Variants in CCDC42 observed in about 807,000 individuals in gnomAD.
The protein encoded by CCDC42 is coiled-coil domain-containing protein 42.
A neutral mutation model predicts 40.8 loss-of-function variants in CCDC42; 38 were observed. The ratio of observed to expected loss-of-function variants is 0.93; its 90% confidence interval spans 0.72 to 1.22. CCDC42 has a LOEUF of 1.22. Among genes scored for constraint, CCDC42 ranks in the 50% most tolerant of loss-of-function variants. CCDC42 has a pLI of 0.00. For missense variants in CCDC42, 379 were observed against 416.5 expected, an observed-to-expected ratio of 0.91 and a Z score of 0.78; for synonymous variants, 135 against 157.5, an observed-to-expected ratio of 0.86 and a Z score of 1.07.
At chr17:8,731,938 G>A (rs905814032) in intron 6 of CCDC42, among the ~76,000 whole-genome samples, 62 of 152,196 alleles carry the variant, frequency 4.1e-4, no homozygotes, top group African/African-American at 1.4e-3. Flanking sequence ...GCCAAGGCGG[G>A]TGGATCACGA....
At chr17:8,739,324 CG>C (rs1568052883) in intron 4 of CCDC42, among the ~76,000 whole-genome samples, 1 of 152,046 alleles carries the variant, frequency 6.6e-6, no homozygotes, top group Non-Finnish European at 1.5e-5. Flanking sequence ...TGAGTTCTGG[CG>C]GGGCTGTGAG....
At chr17:8,741,751 G>A (rs563017574) in intron 3 of CCDC42, 80 bp from the exon 4 acceptor site, 11 of 1,375,814 alleles carry the variant, frequency 8.0e-6, no homozygotes, top group Non-Finnish European at 9.0e-6. Context: ...GGCTGGTGGT[G>A]CCCTCAGACC....
In CCDC42 at chr17:8,730,305, A is replaced by G. The variant is rs1351956778; in HGVS notation, c.874-98T>C. On this transcript the variant is annotated intron_variant, in intron 6 of 6. Transcript: ENST00000293845. ...GACATTCACTTGTAAAGAATTCATC[A>G]TTGCTTTCCTGTGACTGACTTCTTT... 4 of 729,178 alleles carry G rather than the reference A, an allele frequency of 5.5e-6. No homozygotes were observed. In the East Asian group the frequency reaches 8.0e-5, roughly 15 times the overall value. The allele number at this position is 729,178 out of a possible 1,614,324, so 45.2% of individuals were successfully genotyped here. A position where few individuals can be genotyped will look rare whatever the true frequency, so the allele number is the denominator to read the frequency against.
chr17:8,729,992 C>T lies in CCDC42; in HGVS notation c.*138G>A, dbSNP rs1971773. The T allele has an allele frequency of 0.36, 255,970 of 717,498 alleles. 48,714 individuals are homozygous for T. Among genetic ancestry groups the T allele is most frequent in the Admixed American group, 0.57 (26,942 of 47,584 alleles). 44.4% of individuals were successfully genotyped at this position (717,498 alleles called of 1,614,324 possible). ...GTTTTCAGGGATAGAGTGAGGCCCA[C>T]GGGGGAAAATAAGCAGGTGTCCCTC... On this transcript the variant is annotated 3_prime_UTR_variant, in exon 7 of 7. Coordinates refer to ENST00000293845, the MANE Select transcript of CCDC42 (RefSeq NM_144681.3).
At chr17:8,734,956 C>T (rs1188812725) in intron 6 of CCDC42, 140 bp downstream of exon 6, 1 of 841,240 alleles carries the variant, frequency 1.2e-6, no homozygotes, top group South Asian at 1.7e-5. Context: ...ACTCCTCACC[C>T]TCCCAGGTGA....
Position 8,729,978 on chromosome 17 carries a change from T to C in CCDC42, c.*152A>G, listed in dbSNP as rs1435466283. On this transcript the variant is annotated 3_prime_UTR_variant, in exon 7 of 7. Coordinates refer to ENST00000293845, the MANE Select transcript of CCDC42 (RefSeq NM_144681.3). ...ATATAACATTCACTGTTTTCAGGGA[T>C]AGAGTGAGGCCCACGGGGGAAAATA... 4.5e-6 allele frequency: 3 copies of C among 674,116 alleles called. No individual in the cohort carries two copies. The highest frequency in any genetic ancestry group is 3.2e-5 in the South Asian group (2 of 61,712). The allele number at this position is 674,116 out of a possible 1,614,324, so 41.8% of individuals were successfully genotyped here.
At position 8,735,752 on chromosome 17, in the gene CCDC42, G is replaced by T; in HGVS notation, c.493-141C>A. On this transcript the variant is annotated intron_variant, in intron 4 of 6. Coordinates refer to ENST00000293845, the MANE Select transcript of CCDC42 (RefSeq NM_144681.3). The surrounding 1 kb of genome is among the most constrained non-coding windows in gnomAD (Gnocchi z 4.7). ...CCCTTGGCCAGGGTCACGGCCAGAG[G>T]CTGTGAGGGACACTGGGGTTCCGCT... 1.5e-6 allele frequency: 1 copy of T among 660,502 alleles called. No homozygotes were observed. The highest frequency in any genetic ancestry group is 2.6e-6 in the Non-Finnish European group (1 of 389,260). The allele number at this position is 660,502 out of a possible 1,614,324, so 40.9% of individuals were successfully genotyped here. A position where few individuals can be genotyped will look rare whatever the true frequency, so the allele number is the denominator to read the frequency against.
At chr17:8,738,011 G>T (rs993183329) in intron 4 of CCDC42, among the ~76,000 whole-genome samples, 2 of 60,152 alleles carry the variant, frequency 3.3e-5, no homozygotes, top group African/African-American at 1.0e-4. Context: ...TTGCAGATTT[G>T]GGGGGGGTCT....
intron 6 of CCDC42, among the ~76,000 whole-genome samples, chr17:8,733,594 G>A (rs2086592646): frequency 6.6e-6 from 1 of 152,158 alleles, no homozygotes; most frequent in Admixed American, 6.5e-5. Context: ...AGGTTCAAAC[G>A]ATTCTCCCGC....
At chr17:8,743,577 G>T in intron 3 of CCDC42, 49 bp downstream of exon 3, 1 of 1,087,838 alleles carries the variant, frequency 9.2e-7, no homozygotes, top group Non-Finnish European at 1.4e-6. Flanking sequence ...TTGCCCACCT[G>T]CGGACTATGG....
At position 8,740,687 on chromosome 17, in the gene CCDC42, C is replaced by T. The variant is rs562925404; in HGVS notation, c.492+787G>A. Among the ~76,000 whole-genome samples the T allele has an allele frequency of 3.9e-5, 6 of 152,106 alleles. No individual in the cohort carries two copies. The South Asian group carries it at 8.3e-4, about 21-fold the overall frequency. ...GGGGCATCGGCAGTGTCAGACGCTG[C>T]CCCCAAGAGGCGCGGTGGAACCAAG... On this transcript the variant is annotated intron_variant, in intron 4 of 6. Coordinates refer to ENST00000293845, the MANE Select transcript of CCDC42 (RefSeq NM_144681.3).
At chr17:8,741,961 G>A (rs1363710314) in intron 3 of CCDC42, among the ~76,000 whole-genome samples, 1 of 152,140 alleles carries the variant, frequency 6.6e-6, no homozygotes, top group African/African-American at 2.4e-5. Flanking sequence ...GGCTGGAGGG[G>A]CAGACAGGAA....
rs2086642172 is a variant in CCDC42 at position 8,741,353 on chromosome 17, CA to C, written c.492+120del. ...CCCATCCTGCAGAGCTCCTGGGGCC[CA>C]GAGGGTCCACAGTCCCCAGCCAGCT... On this transcript the variant is annotated intron_variant, in intron 4 of 6. Coordinates refer to ENST00000293845, the MANE Select transcript of CCDC42 (RefSeq NM_144681.3). 4.0e-6 allele frequency: 4 copies of C among 1,002,772 alleles called. No homozygotes were observed. In the East Asian group the frequency reaches 9.5e-5, roughly 24 times the overall value. The allele number at this position is 1,002,772 out of a possible 1,614,324, so 62.1% of individuals were successfully genotyped here. A position where few individuals can be genotyped will look rare whatever the true frequency, so the allele number is the denominator to read the frequency against.
At position 8,730,075 on chromosome 17, in the gene CCDC42, C is replaced by T. The variant is rs375627984; in HGVS notation, c.*55G>A. The T allele has an allele frequency of 1.3e-3, 2,074 of 1,556,140 alleles. 6 individuals carry two copies. The highest frequency in any genetic ancestry group is 1.7e-3 in the Non-Finnish European group (1,876 of 1,129,794). On this transcript the variant is annotated 3_prime_UTR_variant, in exon 7 of 7. Coordinates refer to ENST00000293845, the MANE Select transcript of CCDC42 (RefSeq NM_144681.3). ...CTGGACTGACTGGACCGCAGGCTCA[C>T]GACTTCTTCTTTCACGATCTCTGTC...
chr17:8,735,150 G>C lies in CCDC42; in HGVS notation c.819C>G (p.His273Gln), dbSNP rs764224677. Residue 273 changes from histidine to glutamine, a missense_variant, in exon 6 of 7, where the codon CAC (histidine) becomes CAG (glutamine). By Grantham distance (24) the His-to-Gln change is conservative. Transcript: ENST00000293845. This position sits in a 1 kb window ranked among gnomAD's most constrained non-coding sequence, Gnocchi z 4.7. ...GTGCCACCTCAGTCACCTCCTTCAG[G>C]TGCTTGCTCACGATCTGGAAGAGGT... ...TLNLFQIVSK[H>Q]LKEVTEVALE... The C allele has an allele frequency of 1.2e-6, 2 of 1,614,140 alleles. No homozygotes were observed. Among genetic ancestry groups the C allele is most frequent in the African/African-American group, 1.3e-5 (1 of 75,026 alleles).
At chr17:8,737,708 C>T (rs1032695306) in intron 4 of CCDC42, among the ~76,000 whole-genome samples, 24 of 152,162 alleles carry the variant, frequency 1.6e-4, no homozygotes, top group Non-Finnish European at 1.5e-5. Context: ...TGGAATCATA[C>T]GATATAACCT....
intron 3 of CCDC42, 113 bp from the exon 4 acceptor site, chr17:8,741,784 T>A: frequency 9.7e-7 from 1 of 1,035,674 alleles, no homozygotes; most frequent in Non-Finnish European, 1.4e-6. Context: ...CAAACCATCC[T>A]GGCAACAGGC....
rs775421927 is a variant in CCDC42, at chr17:8,735,257, G to T, written c.715-3C>A. 1 of 1,614,156 alleles carries T rather than the reference G, an allele frequency of 6.2e-7. No individual in the cohort carries two copies. The highest frequency in any genetic ancestry group is 8.5e-7 in the Non-Finnish European group (1 of 1,180,010). ...TGGATGTGCGCCCAGCGAGATTCCT[G>T]GAGAGTGGATAAGGACGGGGCATGA... On this transcript the variant is annotated splice_polypyrimidine_tract_variant and splice_region_variant and intron_variant, in intron 5 of 6. Transcript: ENST00000293845. This position sits in a 1 kb window ranked among gnomAD's most constrained non-coding sequence, Gnocchi z 4.7.
intron 4 of CCDC42, among the ~76,000 whole-genome samples, chr17:8,741,133 C>T (rs1329854184): frequency 3.9e-5 from 6 of 152,184 alleles, no homozygotes; most frequent in Non-Finnish European, 8.8e-5. Context: ...TTTAGACAGA[C>T]GCAGCCATGG....
Sources: gnomAD v4.1 joint callset for allele counts (sites outside exome capture counted in the v4.1 genomes callset) on GRCh38, gnomAD v4.1.1 for gene constraint, Gnocchi (gnomAD v3.1) non-coding constraint, MANE v1.5 for transcripts, NCBI Gene and HGNC (gene_info 2026-07-23, HGNC 2026-07-21) for gene names.